The following ITPRID1 variants were observed in gnomAD, a reference collection of about 807,000 sequenced individuals.
ITPRID1 encodes ITPR interacting domain containing 1.
A neutral mutation model predicts 95.4 loss-of-function variants in ITPRID1; 96 were observed. The ratio of observed to expected loss-of-function variants is 1.01; its 90% confidence interval spans 0.85 to 1.19. ITPRID1 has a LOEUF of 1.19. Ranked by LOEUF, ITPRID1 falls within the 50% of genes most tolerant of loss-of-function variation. The pLI is 0.00. For missense variants in ITPRID1, 1,339 were observed against 1,252.9 expected (o/e 1.07, Z -1.04); for synonymous variants, 510 against 453.6 (o/e 1.12, Z -1.58).
intron 10 of ITPRID1, among the ~76,000 whole-genome samples, chr7:31,603,449 C>T (rs1381837090): frequency 1.3e-5 from 2 of 151,992 alleles, no homozygotes; most frequent in African/African-American, 4.8e-5. Context: ...TATTTTGCAG[C>T]CGGCAATCAG....
At chr7:31,561,137 GAGA>G (rs1457238169) in intron 5 of ITPRID1, among the ~76,000 whole-genome samples, 1 of 152,186 alleles carries the variant, frequency 6.6e-6, no homozygotes, top group Non-Finnish European at 1.5e-5. Flanking sequence ...GGAAAGATGG[GAGA>G]AGATTGTACA....
intron 5 of ITPRID1, among the ~76,000 whole-genome samples, chr7:31,561,529 G>T (rs375345346): frequency 1.3e-5 from 2 of 152,146 alleles, no homozygotes; most frequent in South Asian, 2.1e-4. Flanking sequence ...GCCTTCCTGT[G>T]CCCCTTCTTT....
chr7:31,616,172 G>T (rs891756266), intron 10 of ITPRID1, among the ~76,000 whole-genome samples: 3 of 149,802 alleles, frequency 2.0e-5, no homozygotes, highest in Non-Finnish European at 3.0e-5. Flanking sequence ...CAGTTTTCAA[G>T]AATTATGATT....
intron 1 of ITPRID1, among the ~76,000 whole-genome samples, chr7:31,527,829 ATTACTTCAACTTATT>A (rs984692622): frequency 2.6e-5 from 4 of 152,286 alleles, no homozygotes; most frequent in Admixed American, 1.3e-4. Context: ...TAGAGAGTGA[ATTACTTCAACTTATT>A]TTAACTATCT....
chr7:31,521,978 G>A (rs1783278039), intron 1 of ITPRID1, among the ~76,000 whole-genome samples: 1 of 148,738 alleles, frequency 6.7e-6, no homozygotes, highest in Non-Finnish European at 1.5e-5. Flanking sequence ...TTTTTATAAG[G>A]ATAGGAGTGA....
chr7:31,520,616 T>C (rs916021722), intron 1 of ITPRID1, among the ~76,000 whole-genome samples: 2 of 150,804 alleles, frequency 1.3e-5, no homozygotes, highest in Non-Finnish European at 3.0e-5. Context: ...CACTATAAAG[T>C]GATATAAGCT....
At chr7:31,657,849 A>G (rs947205461), downstream of ITPRID1, among the ~76,000 whole-genome samples, 1 of 152,218 alleles carries the variant, frequency 6.6e-6, no homozygotes, top group African/African-American at 2.4e-5. Context: ...TCTCATTTAA[A>G]TGAAAATGAA....
chr7:31,643,064 C>T lies in ITPRID1; in HGVS notation c.1694C>T (p.Pro565Leu). ...RPTATSKYDH[P>L]LGFMVTHVTE... is the part of the protein sequence containing the mutation. Reference sequence around the variant, plus strand: ...ACAGCCACTTCCAAATATGATCATCCTCTGGGGTTTATGGTAACCCACGTC... The same window carrying T: ...ACAGCCACTTCCAAATATGATCATCTTCTGGGGTTTATGGTAACCCACGTC... Residue 565 changes from proline (P) to leucine (L), a missense_variant, in exon 12 of 15, where the codon CCT becomes CTT. Coordinates refer to ENST00000615280, the MANE Select transcript of ITPRID1 (RefSeq NM_001257967.3). The T allele has an allele frequency of 1.9e-6, 3 of 1,613,994 alleles. No individual in the cohort carries two copies. The highest frequency in any genetic ancestry group is 2.2e-5 in the East Asian group (1 of 44,876).
intron 3 of ITPRID1, 53 bp from the exon 4 acceptor site, chr7:31,554,422 T>A (rs1352301930): frequency 5.0e-6 from 8 of 1,591,302 alleles, no homozygotes; most frequent in Non-Finnish European, 5.1e-6. Context: ...CAGGGTAGCA[T>A]CCTTTTAGCT....
intron 1 of ITPRID1, among the ~76,000 whole-genome samples, chr7:31,535,127 T>A (rs1013238754): frequency 6.6e-6 from 1 of 152,084 alleles, no homozygotes; most frequent in African/African-American, 2.4e-5. Flanking sequence ...TGAATTAATT[T>A]AAATGTAAAT....
chr7:31,612,068 T>G (rs1176780878), intron 10 of ITPRID1, among the ~76,000 whole-genome samples: 2 of 151,972 alleles, frequency 1.3e-5, no homozygotes, highest in East Asian at 3.9e-4. Context: ...AGCTGGATAA[T>G]TTTAATTGGC....
intron 5 of ITPRID1, among the ~76,000 whole-genome samples, chr7:31,560,435 G>C (rs879523916): frequency 4.6e-5 from 7 of 152,192 alleles, no homozygotes; most frequent in Admixed American, 4.6e-4. Context: ...GCTGTTCACA[G>C]AGTTGGCTTT....
intron 10 of ITPRID1, among the ~76,000 whole-genome samples, chr7:31,625,933 G>GA (rs1788427862): frequency 6.6e-6 from 1 of 152,028 alleles, no homozygotes. Context: ...ATGTTAGTAA[G>GA]AAGGGTTTTT....
intron 1 of ITPRID1, chr7:31,518,201 A>T (rs182067798): frequency 6.6e-6 from 1 of 152,362 alleles, no homozygotes; most frequent in Non-Finnish European, 1.5e-5. Flanking sequence ...GCCACGAGCT[A>T]TGGAATGGAG....
intron 10 of ITPRID1, among the ~76,000 whole-genome samples, chr7:31,599,551 C>G (rs1035901109): frequency 1.3e-5 from 2 of 151,926 alleles, no homozygotes; most frequent in South Asian, 4.2e-4. Flanking sequence ...TAGAGCTGAT[C>G]GGTGGCTATG....
At chr7:31,522,997 T>TTTCGTCATGGGGGTGCA (rs1783314751) in intron 1 of ITPRID1, among the ~76,000 whole-genome samples, 1 of 152,200 alleles carries the variant, frequency 6.6e-6, no homozygotes, top group Non-Finnish European at 1.5e-5. Context: ...CCTTGGATCT[T>TTTCGTCATGGGGGTGCA]CAGTTTCTTC....
intron 12 of ITPRID1, among the ~76,000 whole-genome samples, chr7:31,647,003 T>C (rs1225084096): frequency 1.3e-5 from 2 of 152,122 alleles, no homozygotes; most frequent in Admixed American, 1.3e-4. Context: ...TAGAAAAAAA[T>C]ACACTCAAAG....
Position 31,643,061 on chromosome 7 carries a change from A to G in ITPRID1, c.1691A>G (p.His564Arg), listed in dbSNP as rs371473428. The change falls in exon 12 of 15, where the codon CAT (histidine) becomes CGT (arginine). Residue 564 changes from histidine to arginine, a missense_variant. By Grantham distance (29) the His-to-Arg change is conservative. Transcript: ENST00000615280. Reference protein sequence around the residue: ...TRPTATSKYDHPLGFMVTHVT... With the variant: ...TRPTATSKYDRPLGFMVTHVT... The stretch of plus-strand genomic sequence containing the variant: ...CCCACAGCCACTTCCAAATATGATC[A>G]TCCTCTGGGGTTTATGGTAACCCAC... 1.9e-6 allele frequency: 3 copies of G among 1,613,934 alleles called. No individual in the cohort carries two copies. Among genetic ancestry groups the G allele is most frequent in the East Asian group, 2.2e-5 (1 of 44,866 alleles).
intron 12 of ITPRID1, 146 bp from the exon 13 acceptor site, chr7:31,650,996 C>A (rs545094565): frequency 2.6e-6 from 2 of 759,608 alleles, no homozygotes; most frequent in South Asian, 2.2e-5. Flanking sequence ...AAATATTGGG[C>A]TCTTCCTATT....
Sources: allele counts gnomAD v4.1 joint callset (sites outside exome capture counted in the v4.1 genomes callset), GRCh38; gene constraint gnomAD v4.1.1; transcripts MANE v1.5; gene names NCBI Gene and HGNC (gene_info 2026-07-23, HGNC 2026-07-21).